Variants in RBFOX1 observed in about 807,000 individuals in gnomAD.
RBFOX1 encodes the protein RNA binding fox-1 homolog 1, also known as RNA binding protein fox-1 homolog 1.
In RBFOX1, 8 loss-of-function variants were observed where a neutral mutation model predicts 57.7. The ratio of observed to expected loss-of-function variants is 0.14; its 90% CI spans 0.08 to 0.25. The LOEUF is 0.25. Among genes scored for constraint, RBFOX1 ranks in the 10% least tolerant of loss-of-function variants. The pLI, the probability that RBFOX1 is intolerant of heterozygous loss-of-function variation, is 1.00. For synonymous variants in RBFOX1, 326 were observed against 222.4 expected, an observed-to-expected ratio of 1.47 and a Z score of -4.15; for missense variants, 611 against 548.5, an observed-to-expected ratio of 1.11 and a Z score of -1.14.
intron 2 of RBFOX1, among the ~76,000 whole-genome samples, chr16:6,377,839 A>C (rs117661212): frequency 1.2e-4 from 18 of 152,204 alleles, no homozygotes; most frequent in Non-Finnish European, 1.3e-4. Flanking sequence ...AGCTTCCCCA[A>C]CGTGGATTCC....
chr16:7,336,010 T>C (rs930125353), intron 4 of RBFOX1, among the ~76,000 whole-genome samples: 2 of 152,210 alleles, frequency 1.3e-5, no homozygotes, highest in African/African-American at 4.8e-5. Flanking sequence ...ATTGGCTGCT[T>C]TCCCCCTTGA....
chr16:6,085,505 A>T (rs954864553), intron 1 of RBFOX1, among the ~76,000 whole-genome samples: 1 of 152,184 alleles, frequency 6.6e-6, no homozygotes, highest in Non-Finnish European at 1.5e-5. Context: ...TCCCGACTTC[A>T]GGTGATCTGC....
intron 1 of RBFOX1, among the ~76,000 whole-genome samples, chr16:6,184,334 G>A (rs1305528132): frequency 6.6e-6 from 1 of 152,112 alleles, no homozygotes; most frequent in Non-Finnish European, 1.5e-5. Context: ...CTGGCTGCTG[G>A]GTGGAGAATA....
intron 1 of RBFOX1, among the ~76,000 whole-genome samples, chr16:6,300,233 A>T (rs938839015): frequency 1.3e-5 from 2 of 152,238 alleles, no homozygotes; most frequent in South Asian, 4.1e-4. Context: ...CAACATTTCA[A>T]TTAGACAGAA....
chr16:5,840,600 G>T (rs2056596054), intron 3 of RBFOX1, among the ~76,000 whole-genome samples: 1 of 152,208 alleles, frequency 6.6e-6, no homozygotes, highest in Admixed American at 6.5e-5. Context: ...GGAAGGAGTT[G>T]CTGGGATGAG....
chr16:6,786,209 G>A (rs2081935435), intron 3 of RBFOX1, among the ~76,000 whole-genome samples: 1 of 152,136 alleles, frequency 6.6e-6, no homozygotes, highest in Non-Finnish European at 1.5e-5. Flanking sequence ...CTTGGGGAGG[G>A]GTATGTCAGA....
At chr16:5,631,196 G>C (rs1024827844) in intron 3 of RBFOX1, among the ~76,000 whole-genome samples, 2 of 152,204 alleles carry the variant, frequency 1.3e-5, no homozygotes, top group African/African-American at 4.8e-5. Context: ...GGTTGATGAT[G>C]ATGATGTTGG....
At chr16:7,265,958 G>GTTTTTTTTTTTTTT (rs201372502) in intron 4 of RBFOX1, among the ~76,000 whole-genome samples, 1 of 107,604 alleles carries the variant, frequency 9.3e-6, no homozygotes. Flanking sequence ...GATCTGGTGG[G>GTTTTTTTTTTTTTT]TTTTTGTTTT....
chr16:6,893,872 T>A lies in RBFOX1; in HGVS notation c.-15-158185T>A, dbSNP rs372891885. Among the ~76,000 whole-genome samples, 9 of 152,194 alleles carry A rather than the reference T, an allele frequency of 5.9e-5. No homozygotes were observed. The East Asian group carries it at 1.7e-3, about 29-fold the overall frequency. ...TGGAATGAATTGTATGGGGAATAGT[T>A]TAGGTTGTCTGATAGGGTCAGCTGT... On this transcript the variant is annotated intron_variant, in intron 3 of 15. Coordinates refer to ENST00000550418, the MANE Select transcript of RBFOX1 (RefSeq NM_018723.4).
chr16:7,159,908 C>T (rs2077941376), intron 4 of RBFOX1, among the ~76,000 whole-genome samples: 1 of 152,158 alleles, frequency 6.6e-6, no homozygotes, highest in African/African-American at 2.4e-5. Flanking sequence ...AATATAGGCA[C>T]CAGATGATTG....
chr16:7,234,503 C>T (rs925762749), intron 4 of RBFOX1, among the ~76,000 whole-genome samples: 1 of 151,980 alleles, frequency 6.6e-6, no homozygotes, highest in African/African-American at 2.4e-5. Flanking sequence ...AGTTTGTCTT[C>T]TACCAGGAAT....
In RBFOX1 at chr16:6,434,921, C is replaced by T. The variant is rs547437577; in HGVS notation, c.-64+117864C>T. Among the ~76,000 whole-genome samples, 14 of 152,304 alleles carry T rather than the reference C, an allele frequency of 9.2e-5. No individual in the cohort carries two copies. In the East Asian group the frequency reaches 2.5e-3, roughly 27 times the overall value. ...TAAATGATAAATGACAAACATGAGG[C>T]CAGCTTCCAAGGAGCTTGTGAATCA... On this transcript the variant is annotated intron_variant, in intron 2 of 15. Transcript: ENST00000550418.
At chr16:7,358,577 T>A (rs1179349657) in intron 4 of RBFOX1, among the ~76,000 whole-genome samples, 2 of 152,230 alleles carry the variant, frequency 1.3e-5, no homozygotes, top group East Asian at 3.9e-4. Context: ...TCTGCCATCA[T>A]GCTAGCTAAT....
intron 3 of RBFOX1, among the ~76,000 whole-genome samples, chr16:6,927,000 C>A (rs573952403): frequency 4.1e-4 from 62 of 152,234 alleles, no homozygotes; most frequent in African/African-American, 1.4e-3. Context: ...CTTTGTCAAG[C>A]AATTGCTACT....
intron 3 of RBFOX1, among the ~76,000 whole-genome samples, chr16:5,627,026 A>C (rs1338217874): frequency 6.6e-6 from 1 of 152,088 alleles, no homozygotes; most frequent in Non-Finnish European, 1.5e-5. Context: ...ACTTTTTGTT[A>C]ATTACTTTTA....
intron 2 of RBFOX1, among the ~76,000 whole-genome samples, chr16:6,352,538 G>T (rs1325439731): frequency 6.6e-6 from 1 of 152,164 alleles, no homozygotes; most frequent in Non-Finnish European, 1.5e-5. Flanking sequence ...AGGGAACAAA[G>T]GAGGGCACTG....
In RBFOX1 at chr16:5,491,605, T is replaced by C. The variant is rs1486935343; in HGVS notation, c.258+24351T>C. 3.3e-5 allele frequency among the ~76,000 whole-genome samples: 5 copies of C among 152,234 alleles called. No homozygotes were observed. The East Asian group carries it at 9.6e-4, about 29-fold the overall frequency. ...TAACAACTGCTGTGCATGGTAATGC[T>C]GATGAATCCTCAGTGATTTTTACGT... On this transcript the variant is annotated intron_variant, in intron 2 of 2. Transcript: ENST00000585867.
At chr16:6,483,162 C>T (rs1046622514) in intron 2 of RBFOX1, 2 of 1,094,572 alleles carry the variant, frequency 1.8e-6, no homozygotes, top group Admixed American at 5.5e-5. Flanking sequence ...AAACATTGGG[C>T]GTCTCATTTG....
chr16:7,139,063 C>T (rs1292377471), intron 4 of RBFOX1, among the ~76,000 whole-genome samples: 1 of 152,128 alleles, frequency 6.6e-6, no homozygotes, highest in African/African-American at 2.4e-5. Flanking sequence ...CTTGCCCTCC[C>T]AAAGTGCTGG....
Sources: gnomAD v4.1 joint callset for allele counts (sites outside exome capture counted in the v4.1 genomes callset) on GRCh38, gnomAD v4.1.1 for gene constraint, MANE v1.5 for transcripts, NCBI Gene and HGNC (gene_info 2026-07-23, HGNC 2026-07-21) for gene names.